SUGCT: variants seen among roughly 807,000 people sequenced by gnomAD.
SUGCT encodes the protein succinyl-CoA:glutarate-CoA transferase.
A neutral mutation model predicts 55.0 loss-of-function variants in SUGCT; 41 were observed. That is an observed-to-expected ratio of 0.74 (90% confidence interval 0.58 to 0.97). SUGCT has a LOEUF of 0.97. Ranked by LOEUF, SUGCT falls within the 50% of genes least tolerant of loss-of-function variation. SUGCT has a pLI of 0.00. For missense variants in SUGCT, 568 were observed against 547.8 expected (o/e 1.04, Z -0.37); for synonymous variants, 187 against 200.4 (o/e 0.93, Z 0.56).
intron 12 of SUGCT, among the ~76,000 whole-genome samples, chr7:40,561,981 C>T (rs1418124171): frequency 3.3e-5 from 5 of 150,238 alleles, no homozygotes; most frequent in African/African-American, 1.2e-4. Flanking sequence ...TGAGCCACTG[C>T]GTCCAGCCTA....
At chr7:40,470,824 A>T (rs1790368723) in intron 11 of SUGCT, among the ~76,000 whole-genome samples, 1 of 151,820 alleles carries the variant, frequency 6.6e-6, no homozygotes, top group Non-Finnish European at 1.5e-5. Flanking sequence ...ATATGTACAC[A>T]ACTTAAATCT....
At chr7:41,001,607 G>T in the SUGCT span, among the ~76,000 whole-genome samples, 4 of 152,182 alleles carry the variant, frequency 2.6e-5, no homozygotes, top group Non-Finnish European at 4.4e-5. Context: ...GCATGGTCCA[G>T]TTCTGGTGAG....
chr7:40,669,880 A>G (rs1801846707), intron 12 of SUGCT, among the ~76,000 whole-genome samples: 2 of 152,026 alleles, frequency 1.3e-5, no homozygotes, highest in South Asian at 4.1e-4. Context: ...AAAGTACTAG[A>G]AAAAATTTGA....
intron 13 of SUGCT, among the ~76,000 whole-genome samples, chr7:40,806,816 G>C (rs2128753881): frequency 6.6e-6 from 1 of 152,222 alleles, no homozygotes; most frequent in African/African-American, 2.4e-5. Flanking sequence ...GTAGAGGCTG[G>C]GGGTTTCAAC....
intron 12 of SUGCT, among the ~76,000 whole-genome samples, chr7:40,742,506 A>T (rs1030213053): frequency 1.3e-5 from 2 of 152,042 alleles, no homozygotes; most frequent in African/African-American, 4.8e-5. Flanking sequence ...AGTTCACAAT[A>T]GGCTTCCCGC....
intron 12 of SUGCT, among the ~76,000 whole-genome samples, chr7:40,500,039 G>A (rs770948510): frequency 6.6e-6 from 1 of 152,096 alleles, no homozygotes; most frequent in East Asian, 1.9e-4. Flanking sequence ...GGGATTAAAA[G>A]CATCATTGTC....
At chr7:40,584,249 A>G (rs1249282792) in intron 12 of SUGCT, among the ~76,000 whole-genome samples, 2 of 152,162 alleles carry the variant, frequency 1.3e-5, no homozygotes, top group Non-Finnish European at 2.9e-5. Flanking sequence ...AGTGCTTTAC[A>G]AAAGAATTTT....
intron 13 of SUGCT, among the ~76,000 whole-genome samples, chr7:40,789,323 G>C (rs929550070): frequency 2.8e-4 from 42 of 152,154 alleles, no homozygotes; most frequent in African/African-American, 2.6e-4. Flanking sequence ...TTGTGAATTT[G>C]ACTATTTTAG....
chr7:40,271,453 G>A (rs1327854607), intron 7 of SUGCT, among the ~76,000 whole-genome samples: 2 of 152,034 alleles, frequency 1.3e-5, no homozygotes, highest in African/African-American at 2.4e-5. Flanking sequence ...CATTTTAGGG[G>A]AAAACATTCA....
At chr7:40,167,377 A>G (rs1784471431) in intron 1 of SUGCT, among the ~76,000 whole-genome samples, 1 of 152,188 alleles carries the variant, frequency 6.6e-6, no homozygotes. Flanking sequence ...GTAGTTTGCA[A>G]AGGGCAGGTG....
the SUGCT span, among the ~76,000 whole-genome samples, chr7:41,002,519 G>A: frequency 2.0e-5 from 3 of 152,118 alleles, no homozygotes; most frequent in Admixed American, 2.0e-4. Context: ...GCTTGGGAGA[G>A]CCTAAACATG....
intron 3 of SUGCT, among the ~76,000 whole-genome samples, chr7:40,184,970 CAGTT>C (rs1450962013): frequency 6.6e-6 from 1 of 152,100 alleles, no homozygotes; most frequent in African/African-American, 2.4e-5. Context: ...GAGGCCAAAG[CAGTT>C]AGCAGAAGAT....
At chr7:40,935,526 T>A in the SUGCT span, among the ~76,000 whole-genome samples, 1 of 152,226 alleles carries the variant, frequency 6.6e-6, no homozygotes, top group African/African-American at 2.4e-5. Flanking sequence ...TGTGTCTGGC[T>A]TCTTTTACTT....
rs572070660 is a variant in SUGCT at position 40,762,404 on chromosome 7, G to A, written c.1153+12907G>A. Among the ~76,000 whole-genome samples the A allele has an allele frequency of 2.6e-5, 4 of 152,230 alleles. No individual in the cohort carries two copies. In the East Asian group the frequency reaches 7.7e-4, roughly 29 times the overall value. ...GAATTTAAGATGTATGACTAGTAGCGGTGACAGTGAGGTTTATGATAGCTG... is the reference window on the plus strand; with the variant it reads ...GAATTTAAGATGTATGACTAGTAGCAGTGACAGTGAGGTTTATGATAGCTG... On this transcript the variant is annotated intron_variant, in intron 13 of 13. Coordinates refer to ENST00000335693, the MANE Select transcript of SUGCT (RefSeq NM_001193313.2).
At chr7:40,733,521 T>C (rs1562969660) in intron 12 of SUGCT, among the ~76,000 whole-genome samples, 1 of 152,190 alleles carries the variant, frequency 6.6e-6, no homozygotes, top group Admixed American at 6.5e-5. Context: ...GTTTATTGAA[T>C]TTTAGGACCA....
intron 13 of SUGCT, among the ~76,000 whole-genome samples, chr7:40,763,025 G>A (rs1253129931): frequency 2.0e-5 from 3 of 151,712 alleles, no homozygotes; most frequent in African/African-American, 4.8e-5. Flanking sequence ...CCATGTTGGC[G>A]AGGCTGGTCA....
chr7:40,665,934 T>C (rs1168379501), intron 12 of SUGCT, among the ~76,000 whole-genome samples: 1 of 152,158 alleles, frequency 6.6e-6, no homozygotes, highest in African/African-American at 2.4e-5. Flanking sequence ...TAATGGTATA[T>C]ACTTATATAT....
intron 12 of SUGCT, among the ~76,000 whole-genome samples, chr7:40,594,621 C>A (rs1797906167): frequency 6.6e-6 from 1 of 152,190 alleles, no homozygotes; most frequent in African/African-American, 2.4e-5. Context: ...CTGTGAATCT[C>A]TTACCATGAA....
rs149992829 is a variant in SUGCT at position 40,361,191 on chromosome 7, G to T, written c.816+44336G>T. Among the ~76,000 whole-genome samples the T allele has an allele frequency of 2.5e-3, 384 of 152,158 alleles. 3 individuals carry two copies. Among genetic ancestry groups the T allele is most frequent in the Non-Finnish European group, 3.1e-3 (213 of 68,008 alleles). On this transcript the variant is annotated intron_variant, in intron 9 of 13. Coordinates refer to ENST00000335693, the MANE Select transcript of SUGCT (RefSeq NM_001193313.2). ...TAGTGCTATGGGTGCTTCAAATGGA[G>T]ATCCTTCTGTATGAGTTCAGTTTCC... is the stretch of plus-strand genomic sequence containing the variant.
Sources: allele counts gnomAD v4.1 joint callset (sites outside exome capture counted in the v4.1 genomes callset), GRCh38; gene constraint gnomAD v4.1.1; transcripts MANE v1.5; gene names NCBI Gene and HGNC (gene_info 2026-07-23, HGNC 2026-07-21).